RNF216: variants seen among roughly 807,000 people sequenced by gnomAD.
RNF216 encodes the protein ring finger protein 216.
RNF216 carries 72 observed loss-of-function variants against 110.8 expected under a neutral mutation model. The ratio of observed to expected loss-of-function variants is 0.65; its 90% CI spans 0.54 to 0.79. RNF216 has a LOEUF of 0.79. RNF216 is among the 30% of genes least tolerant of loss of function. The pLI, the probability that RNF216 is intolerant of heterozygous loss-of-function variation, is 0.00. For missense variants in RNF216, 1,342 were observed against 1,141.2 expected (o/e 1.18, Z -2.54); for synonymous variants, 495 against 407.5 (o/e 1.21, Z -2.59).
At chr7:5,701,045 G>C (rs1584475199) in intron 13 of RNF216, among the ~76,000 whole-genome samples, 1 of 152,118 alleles carries the variant, frequency 6.6e-6, no homozygotes. Context: ...CATGAAACCT[G>C]AGAGAAGGAG....
At chr7:5,638,498 T>C (rs1427135080) in intron 15 of RNF216, among the ~76,000 whole-genome samples, 2 of 152,154 alleles carry the variant, frequency 1.3e-5, no homozygotes, top group African/African-American at 2.4e-5. Context: ...TATGCCCAAT[T>C]ACAGTGTAGC....
intron 7 of RNF216, among the ~76,000 whole-genome samples, chr7:5,725,660 G>A (rs187069834): frequency 5.9e-5 from 9 of 152,222 alleles, no homozygotes; most frequent in African/African-American, 1.9e-4. Context: ...CACCAGTCTG[G>A]CCAACATGGT....
At position 5,641,226 on chromosome 7, in the gene RNF216, G is replaced by A; in HGVS notation, c.2310C>T (p.Phe770=). The A allele has an allele frequency of 6.2e-7, 1 of 1,614,212 alleles. No individual in the cohort carries two copies. Among genetic ancestry groups the A allele is most frequent in the South Asian group, 1.1e-5 (1 of 91,090 alleles). ...CTCCTGGTGAGCGGGGATGTTGGCA[G>A]AAATGGTCATATCCATTAATAGAAA... The part of the protein sequence containing the change: ...CRVSINGYDH[F]CQHPRSPGAP... Residue 770 remains phenylalanine (F), a synonymous_variant, in exon 15 of 17, where the codon TTC becomes TTT. Coordinates refer to ENST00000389902, the MANE Select transcript of RNF216 (RefSeq NM_207111.4).
chr7:5,726,085 C>A (rs148725113), intron 7 of RNF216, among the ~76,000 whole-genome samples: 1 of 151,810 alleles, frequency 6.6e-6, no homozygotes, highest in Non-Finnish European at 1.5e-5. Flanking sequence ...AAGGCTTGCC[C>A]GGGCAACATG....
At position 5,729,456 on chromosome 7, in the gene RNF216, T is replaced by G. The variant is rs773471407; in HGVS notation, c.1365A>C (p.Lys455Asn). The G allele has an allele frequency of 1.2e-6, 2 of 1,614,030 alleles. No homozygotes were observed. The highest frequency in any genetic ancestry group is 2.2e-5 in the East Asian group (1 of 44,886). The change falls in exon 7 of 17, where the codon AAA becomes AAC. Residue 455 changes from lysine to asparagine, a missense_variant. Physicochemically the swap from Lys to Asn is moderately conservative, Grantham distance 94. Coordinates refer to ENST00000389902, the MANE Select transcript of RNF216 (RefSeq NM_207111.4). ...QDIKWALHEL[K>N]GHYAITRKAL... The stretch of plus-strand genomic sequence containing the variant: ...CCTTTCGGGTGATTGCATAGTGTCC[T>G]TTGAGCTCGTGCAGGGCCCACTTGA...
chr7:5,656,354 A>C (rs1226394348), intron 13 of RNF216, among the ~76,000 whole-genome samples: 1 of 152,150 alleles, frequency 6.6e-6, no homozygotes, highest in Non-Finnish European at 1.5e-5. Context: ...CACATTCTTC[A>C]ATCTGTGGTT....
intron 1 of RNF216, among the ~76,000 whole-genome samples, chr7:5,771,176 T>C (rs1270030940): frequency 6.6e-6 from 1 of 152,308 alleles, no homozygotes; most frequent in African/African-American, 2.4e-5. Context: ...ATGACCTTTC[T>C]ACTATATGAT....
chr7:5,741,848 T>C, intron 3 of RNF216, 33 bp from the exon 4 acceptor site: 1 of 1,561,248 alleles, frequency 6.4e-7, no homozygotes, highest in Non-Finnish European at 8.6e-7. Flanking sequence ...TAATTCAATT[T>C]CTTTCCTATG....
intron 1 of RNF216, among the ~76,000 whole-genome samples, chr7:5,765,727 G>A (rs1247201680): frequency 6.7e-6 from 1 of 149,954 alleles, no homozygotes; most frequent in East Asian, 2.0e-4. Context: ...CAGACTGCCT[G>A]AGCTCAGGAG....
At chr7:5,647,324 CTTTCTTTTT>C (rs1788111402) in intron 14 of RNF216, among the ~76,000 whole-genome samples, 3 of 113,134 alleles carry the variant, frequency 2.7e-5, no homozygotes, top group African/African-American at 7.1e-5. Context: ...CATTTTCTTT[CTTTCTTTTT>C]TTTTTTTTTT....
intron 13 of RNF216, among the ~76,000 whole-genome samples, chr7:5,701,555 G>A (rs1031835314): frequency 2.0e-5 from 3 of 152,242 alleles, no homozygotes; most frequent in African/African-American, 7.2e-5. Flanking sequence ...AGCTCTACGA[G>A]GTAGGTGCAA....
chr7:5,639,285 A>G (rs1787587437), intron 15 of RNF216, among the ~76,000 whole-genome samples: 1 of 152,180 alleles, frequency 6.6e-6, no homozygotes, highest in African/African-American at 2.4e-5. Flanking sequence ...ATCCTTGGCT[A>G]TGATCTAGGG....
intron 13 of RNF216, among the ~76,000 whole-genome samples, chr7:5,653,286 A>C (rs1788509767): frequency 6.6e-6 from 1 of 152,108 alleles, no homozygotes; most frequent in Non-Finnish European, 1.5e-5. Flanking sequence ...AAACTATCCC[A>C]CATCAGTAAG....
intron 1 of RNF216, among the ~76,000 whole-genome samples, chr7:5,765,572 G>C (rs1390928293): frequency 6.6e-6 from 1 of 152,064 alleles, no homozygotes; most frequent in Non-Finnish European, 1.5e-5. Context: ...CGACACTGCA[G>C]TGTGCCACCA....
chr7:5,685,315 G>C (rs1433498963), intron 13 of RNF216, among the ~76,000 whole-genome samples: 2 of 152,144 alleles, frequency 1.3e-5, no homozygotes, highest in African/African-American at 2.4e-5. Flanking sequence ...AGAATTCCAT[G>C]AATAAAACGT....
chr7:5,719,339 G>A (rs777844358), intron 9 of RNF216, among the ~76,000 whole-genome samples: 1 of 152,162 alleles, frequency 6.6e-6, no homozygotes, highest in Non-Finnish European at 1.5e-5. Flanking sequence ...TTGCATCACT[G>A]CACTCCAGCC....
chr7:5,762,640 C>A (rs1382062866), intron 1 of RNF216, among the ~76,000 whole-genome samples: 1 of 151,220 alleles, frequency 6.6e-6, no homozygotes, highest in African/African-American at 2.4e-5. Flanking sequence ...TGCAGTGAGC[C>A]GAGATCACAC....
At chr7:5,646,634 A>T (rs1176412815) in intron 14 of RNF216, among the ~76,000 whole-genome samples, 2 of 151,926 alleles carry the variant, frequency 1.3e-5, no homozygotes, top group Non-Finnish European at 2.9e-5. Flanking sequence ...CGGAGGTTGC[A>T]GTGAGCCAAG....
chr7:5,719,885 A>C (rs1386961145), intron 9 of RNF216, among the ~76,000 whole-genome samples: 1 of 152,216 alleles, frequency 6.6e-6, no homozygotes, highest in Non-Finnish European at 1.5e-5. Context: ...ATATAAGACA[A>C]GCTTCATATC....
Sources: gnomAD v4.1 joint callset for allele counts (sites outside exome capture counted in the v4.1 genomes callset) on GRCh38, gnomAD v4.1.1 for gene constraint, MANE v1.5 for transcripts, NCBI Gene and HGNC (gene_info 2026-07-23, HGNC 2026-07-21) for gene names.